The following SLC9A9 variants were observed in gnomAD, a reference collection of about 807,000 sequenced individuals.
SLC9A9 encodes the protein sodium/hydrogen exchanger 9.
SLC9A9 carries 62 observed loss-of-function variants against 77.8 expected under a neutral mutation model. That is an observed-to-expected ratio of 0.80 (90% CI 0.65 to 0.98). SLC9A9 has a LOEUF of 0.98. SLC9A9 is among the 50% of genes least tolerant of loss of function. The probability of loss-of-function intolerance (pLI) is 0.00; values close to 1 mark genes in which losing one functional copy is unlikely to be tolerated. For synonymous variants in SLC9A9, 320 were observed against 283.5 expected (o/e 1.13, Z -1.29); for missense variants, 775 against 774.9 (o/e 1.00, Z 0.00).
At position 143,421,570 on chromosome 3, in the gene SLC9A9, C is replaced by T. The variant is rs147308036; in HGVS notation, c.1470-39456G>A. On this transcript the variant is annotated intron_variant, in intron 12 of 15. Transcript: ENST00000316549. ...ATGCAAAAGAATGAAAGTAGATCAT[C>T]GTTTTCACTACAAAAATTAATCTAA... Among the ~76,000 whole-genome samples the T allele has an allele frequency of 5.3e-3, 802 of 152,164 alleles. 2 individuals carry two copies. Among genetic ancestry groups the T allele is most frequent in the Non-Finnish European group, 8.9e-3 (604 of 67,976 alleles).
chr3:143,428,554 G>C (rs2034448494), intron 12 of SLC9A9, among the ~76,000 whole-genome samples: 2 of 152,152 alleles, frequency 1.3e-5, no homozygotes, highest in African/African-American at 4.8e-5. Context: ...AAAAGCAGAA[G>C]TACTATATGA....
chr3:143,815,974 G>A lies in SLC9A9; in HGVS notation c.378+16045C>T, dbSNP rs192475645. On this transcript the variant is annotated intron_variant, in intron 2 of 15. Coordinates refer to ENST00000316549, the MANE Select transcript of SLC9A9 (RefSeq NM_173653.4). Reference sequence around the variant, plus strand: ...GCAAGGTCAAATTTGTTCAGAGGCAGCACCAAGCTTGGAAATCTAAACCAG... The same window carrying A: ...GCAAGGTCAAATTTGTTCAGAGGCAACACCAAGCTTGGAAATCTAAACCAG... Among the ~76,000 whole-genome samples the A allele has an allele frequency of 3.3e-5, 5 of 152,296 alleles. No individual in the cohort carries two copies. In the East Asian group the frequency reaches 9.6e-4, roughly 29 times the overall value.
chr3:143,407,162 G>A (rs1043379527), intron 12 of SLC9A9, among the ~76,000 whole-genome samples: 5 of 152,184 alleles, frequency 3.3e-5, no homozygotes, highest in African/African-American at 1.2e-4. Flanking sequence ...TATTCTCTTT[G>A]TAGTCTACTT....
chr3:143,607,462 C>T (rs1163293215), intron 6 of SLC9A9, among the ~76,000 whole-genome samples: 1 of 152,028 alleles, frequency 6.6e-6, no homozygotes, highest in Admixed American at 6.6e-5. Context: ...AGAACTAAAA[C>T]ACTAGCAAAT....
At chr3:143,694,282 G>T (rs772078686) in intron 4 of SLC9A9, among the ~76,000 whole-genome samples, 9 of 152,214 alleles carry the variant, frequency 5.9e-5, no homozygotes, top group East Asian at 5.8e-4. Flanking sequence ...GTATCACTAT[G>T]AGAGAATATT....
intron 6 of SLC9A9, among the ~76,000 whole-genome samples, chr3:143,649,573 T>C (rs2038764253): frequency 6.6e-6 from 1 of 152,204 alleles, no homozygotes; most frequent in Non-Finnish European, 1.5e-5. Flanking sequence ...GCTTCTTATA[T>C]TAGCAAAGAA....
chr3:143,367,104 A>T (rs1324543273), intron 13 of SLC9A9, among the ~76,000 whole-genome samples: 1 of 152,244 alleles, frequency 6.6e-6, no homozygotes, highest in Non-Finnish European at 1.5e-5. Context: ...CCCAAGGGGA[A>T]TATATCAGAA....
At chr3:143,393,931 T>A (rs140524788) in intron 12 of SLC9A9, among the ~76,000 whole-genome samples, 10,467 of 150,702 alleles carry the variant, frequency 0.069, 662 homozygotes, top group African/African-American at 0.16. Context: ...TAGACCAATA[T>A]GAGGCTCTGA....
intron 11 of SLC9A9, among the ~76,000 whole-genome samples, chr3:143,481,667 T>G (rs973325819): frequency 1.3e-5 from 2 of 152,232 alleles, no homozygotes; most frequent in African/African-American, 2.4e-5. Flanking sequence ...CCTAGGGATC[T>G]GTTAGAATGC....
intron 9 of SLC9A9, among the ~76,000 whole-genome samples, chr3:143,496,098 G>A (rs2035829861): frequency 6.6e-6 from 1 of 152,146 alleles, no homozygotes; most frequent in Non-Finnish European, 1.5e-5. Flanking sequence ...ATTAATCCCA[G>A]GGATCGGTTT....
At chr3:143,662,469 C>G (rs1335436031) in intron 5 of SLC9A9, among the ~76,000 whole-genome samples, 3 of 152,180 alleles carry the variant, frequency 2.0e-5, no homozygotes, top group Admixed American at 1.3e-4. Context: ...GTGGGCGCAG[C>G]CCACAGAGTG....
chr3:143,372,422 G>A (rs945507119), intron 13 of SLC9A9, among the ~76,000 whole-genome samples: 1 of 151,952 alleles, frequency 6.6e-6, no homozygotes, highest in African/African-American at 2.4e-5. Flanking sequence ...GCCACATGTA[G>A]AAGAATGAAA....
chr3:143,341,973 T>G (rs373152328), intron 14 of SLC9A9, among the ~76,000 whole-genome samples: 133 of 152,250 alleles, frequency 8.7e-4, no homozygotes, highest in African/African-American at 3.0e-3. Context: ...AAAGCTGAGT[T>G]TCATTGATTC....
At chr3:143,748,484 T>C (rs1240811538) in intron 4 of SLC9A9, among the ~76,000 whole-genome samples, 1 of 152,182 alleles carries the variant, frequency 6.6e-6, no homozygotes, top group Non-Finnish European at 1.5e-5. Flanking sequence ...TCTTTTTCTT[T>C]TCATGAAAAT....
intron 2 of SLC9A9, among the ~76,000 whole-genome samples, chr3:143,813,255 C>T (rs751768482): frequency 9.2e-5 from 14 of 152,018 alleles, no homozygotes; most frequent in Non-Finnish European, 7.4e-5. Context: ...TGAAGGTGCT[C>T]ATGGCTGAAG....
intron 14 of SLC9A9, among the ~76,000 whole-genome samples, chr3:143,288,782 A>G (rs892013149): frequency 1.2e-4 from 18 of 152,224 alleles, no homozygotes; most frequent in Admixed American, 9.2e-4. Flanking sequence ...GAATAATATT[A>G]ATAAAACTTG....
chr3:143,629,572 CGTGTGT>C (rs112725310), intron 6 of SLC9A9, among the ~76,000 whole-genome samples: 1 of 146,558 alleles, frequency 6.8e-6, no homozygotes, highest in Non-Finnish European at 1.5e-5. Flanking sequence ...CGTGTGTGTG[CGTGTGT>C]GTGTGTGTGT....
intron 6 of SLC9A9, among the ~76,000 whole-genome samples, chr3:143,609,474 T>G (rs1478528868): frequency 6.6e-6 from 1 of 152,236 alleles, no homozygotes; most frequent in African/African-American, 2.4e-5. Context: ...ATGTTGTAGC[T>G]ATTGATTTTA....
intron 4 of SLC9A9, among the ~76,000 whole-genome samples, chr3:143,699,124 A>T (rs1933723498): frequency 6.6e-6 from 1 of 152,228 alleles, no homozygotes; most frequent in African/African-American, 2.4e-5. Context: ...GCTGGAGAGG[A>T]CTGGGAAGTT....
Sources: allele counts gnomAD v4.1 joint callset (sites outside exome capture counted in the v4.1 genomes callset), GRCh38; gene constraint gnomAD v4.1.1; transcripts MANE v1.5; gene names NCBI Gene and HGNC (gene_info 2026-07-23, HGNC 2026-07-21).